KALRN: variants seen among roughly 807,000 people sequenced by gnomAD.
KALRN encodes the protein kalirin.
In KALRN, 70 loss-of-function variants were observed where a neutral mutation model predicts 353.7. The observed-to-expected ratio is 0.20, with a 90% confidence interval of 0.16 to 0.24. KALRN has a LOEUF of 0.24. Among genes scored for constraint, KALRN ranks in the 10% least tolerant of loss-of-function variants. The pLI, the probability that KALRN is intolerant of heterozygous loss-of-function variation, is 1.00. For synonymous variants in KALRN, 1,391 were observed against 1,434.8 expected (o/e 0.97, Z 0.69); for missense variants, 2,791 against 3,756.7 (o/e 0.74, Z 6.72).
intron 28 of KALRN, among the ~76,000 whole-genome samples, chr3:124,483,190 G>C (rs1477413431): frequency 6.6e-6 from 1 of 152,220 alleles, no homozygotes; most frequent in Non-Finnish European, 1.5e-5. Context: ...CTGGCTCCTA[G>C]AGGCTTTCTT....
At chr3:124,546,629 T>G (rs573961452) in intron 33 of KALRN, among the ~76,000 whole-genome samples, 34 of 152,254 alleles carry the variant, frequency 2.2e-4, no homozygotes, top group African/African-American at 8.2e-4. Flanking sequence ...ATGGAAACCT[T>G]GTACCCTCAC....
chr3:124,252,627 A>G (rs1487369705), intron 3 of KALRN, among the ~76,000 whole-genome samples: 2 of 152,202 alleles, frequency 1.3e-5, no homozygotes, highest in African/African-American at 4.8e-5. Context: ...TAGAAAAGAC[A>G]CTAACTCTTT....
At chr3:124,166,391 A>G (rs533681102) in intron 1 of KALRN, among the ~76,000 whole-genome samples, 1 of 152,302 alleles carries the variant, frequency 6.6e-6, no homozygotes, top group Non-Finnish European at 1.5e-5. Context: ...TAAGTGCTTC[A>G]TGAGTGATGT....
At chr3:124,114,182 C>T (rs569286389) in intron 1 of KALRN, among the ~76,000 whole-genome samples, 80 of 152,240 alleles carry the variant, frequency 5.3e-4, no homozygotes, top group African/African-American at 1.7e-3. Context: ...TTCAAAGTGG[C>T]CATTATCGGC....
In KALRN at chr3:124,663,457, C is replaced by A. The variant is rs900864598; in HGVS notation, c.6345+1529C>A. ...ACACAATTCAGCCCATAACAGTGAA[C>A]CTTTGAAGAGGAAATTGACTTTCTA... On this transcript the variant is annotated intron_variant, in intron 45 of 59. Transcript: ENST00000682506. Among the ~76,000 whole-genome samples the A allele has an allele frequency of 5.3e-5, 8 of 152,262 alleles. 1 individual carries two copies. Among genetic ancestry groups the A allele is most frequent in the African/African-American group, 9.6e-5 (4 of 41,514 alleles).
chr3:124,428,219 A>C (rs2093113770), intron 15 of KALRN, among the ~76,000 whole-genome samples: 1 of 152,256 alleles, frequency 6.6e-6, no homozygotes, highest in Non-Finnish European at 1.5e-5. Flanking sequence ...AATGATGACA[A>C]AACAGCTAAG....
intron 1 of KALRN, among the ~76,000 whole-genome samples, chr3:124,074,195 A>G (rs543949606): frequency 2.0e-5 from 3 of 152,214 alleles, no homozygotes; most frequent in Non-Finnish European, 4.4e-5. Context: ...ACAGAGATGC[A>G]GTAACAAAAA....
At chr3:124,650,377 A>G (rs1371260639) in intron 37 of KALRN, among the ~76,000 whole-genome samples, 3 of 152,236 alleles carry the variant, frequency 2.0e-5, no homozygotes, top group African/African-American at 7.2e-5. Context: ...TATCTCACAT[A>G]AATCATTCAG....
intron 34 of KALRN, among the ~76,000 whole-genome samples, chr3:124,579,466 C>G (rs939536757): frequency 2.0e-5 from 3 of 152,144 alleles, no homozygotes; most frequent in African/African-American, 7.2e-5. Flanking sequence ...TTGCTTATAG[C>G]TCAGGAGCTT....
chr3:124,567,837 T>C (rs575502932), intron 34 of KALRN, among the ~76,000 whole-genome samples: 6 of 152,304 alleles, frequency 3.9e-5, no homozygotes, highest in South Asian at 2.1e-4. Flanking sequence ...TAGCCGGGCA[T>C]AGTGGCATGC....
chr3:124,658,106 G>T (rs1392007642), intron 41 of KALRN, among the ~76,000 whole-genome samples: 2 of 152,156 alleles, frequency 1.3e-5, no homozygotes, highest in African/African-American at 4.8e-5. Flanking sequence ...AGTGAGCCAT[G>T]ATGGCCCCAC....
At chr3:124,477,411 A>G in intron 27 of KALRN, 77 bp downstream of exon 27, 1 of 1,084,516 alleles carries the variant, frequency 9.2e-7, no homozygotes, top group Non-Finnish European at 1.4e-6. Context: ...ATGGATGGAT[A>G]TTTAGCTATC....
At chr3:124,577,397 C>T (rs2074218759) in intron 34 of KALRN, among the ~76,000 whole-genome samples, 1 of 152,124 alleles carries the variant, frequency 6.6e-6, no homozygotes, top group Admixed American at 6.6e-5. Flanking sequence ...CAGGAGCTGT[C>T]TGTCACCAAG....
intron 10 of KALRN, among the ~76,000 whole-genome samples, chr3:124,354,264 G>A (rs999925692): frequency 6.6e-6 from 1 of 152,220 alleles, no homozygotes; most frequent in African/African-American, 2.4e-5. Context: ...CACAGGTGGT[G>A]TTTTTATCTC....
intron 33 of KALRN, chr3:124,504,696 C>G (rs1226029145): frequency 2.6e-6 from 1 of 384,406 alleles, no homozygotes; most frequent in Non-Finnish European, 5.3e-6. Context: ...ACAGAATCTT[C>G]CAGCCTCTCA....
At chr3:124,365,606 G>T (rs2084584653) in intron 10 of KALRN, among the ~76,000 whole-genome samples, 1 of 152,180 alleles carries the variant, frequency 6.6e-6, no homozygotes, top group African/African-American at 2.4e-5. Flanking sequence ...GACAAGAGAG[G>T]ATGATTCTTC....
chr3:124,644,248 T>G (rs186406064), intron 37 of KALRN, among the ~76,000 whole-genome samples: 129 of 152,374 alleles, frequency 8.5e-4, no homozygotes, highest in Non-Finnish European at 1.5e-3. Context: ...GCAATATTTT[T>G]CTTTCTGTAT....
intron 7 of KALRN, among the ~76,000 whole-genome samples, chr3:124,327,008 T>A (rs971151535): frequency 1.3e-5 from 2 of 152,204 alleles, no homozygotes; most frequent in Non-Finnish European, 1.5e-5. Context: ...GTGTGCTATG[T>A]ATGGATCACC....
At chr3:124,692,272 T>C (rs574836025) in intron 51 of KALRN, among the ~76,000 whole-genome samples, 1 of 152,356 alleles carries the variant, frequency 6.6e-6, no homozygotes, top group Non-Finnish European at 1.5e-5. Flanking sequence ...GGCATTGCAA[T>C]GGCCAGAGTT....
Sources: allele counts gnomAD v4.1 joint callset (sites outside exome capture counted in the v4.1 genomes callset), GRCh38; gene constraint gnomAD v4.1.1; transcripts MANE v1.5; gene names NCBI Gene and HGNC (gene_info 2026-07-23, HGNC 2026-07-21).